The following DENND2A variants were observed in gnomAD, a reference collection of about 807,000 sequenced individuals.
The protein encoded by DENND2A is DENN domain containing 2A.
A neutral mutation model predicts 105.3 loss-of-function variants in DENND2A; 53 were observed. The ratio of observed to expected loss-of-function variants is 0.50; its 90% CI spans 0.40 to 0.63. The LOEUF (loss-of-function observed/expected upper bound fraction) is 0.63. DENND2A is among the 30% of genes least tolerant of loss of function. The probability of loss-of-function intolerance (pLI) is 0.00; values close to 1 mark genes in which losing one functional copy is unlikely to be tolerated. For missense variants in DENND2A, 1,138 were observed against 1,279.6 expected, an observed-to-expected ratio of 0.89 and a Z score of 1.69; for synonymous variants, 522 against 508.4, an observed-to-expected ratio of 1.03 and a Z score of -0.36.
intron 3 of DENND2A, among the ~76,000 whole-genome samples, chr7:140,589,637 A>G (rs74997615): frequency 0.03 from 4,590 of 152,144 alleles, 114 homozygotes; most frequent in African/African-American, 0.072. Context: ...CGAGAGCTCT[A>G]TTTATTTTTA....
At chr7:140,639,300 C>G (rs1381271014) in intron 1 of DENND2A, among the ~76,000 whole-genome samples, 2 of 151,576 alleles carry the variant, frequency 1.3e-5, no homozygotes, top group Non-Finnish European at 2.9e-5. Context: ...TGCAGTGGGT[C>G]GAGATTGCAC....
At chr7:140,526,577 C>A (rs1796063249) in intron 15 of DENND2A, among the ~76,000 whole-genome samples, 1 of 152,210 alleles carries the variant, frequency 6.6e-6, no homozygotes, top group Non-Finnish European at 1.5e-5. Context: ...CGGGGTTGAA[C>A]TGAGCCACCT....
intron 6 of DENND2A, among the ~76,000 whole-genome samples, chr7:140,570,545 G>A (rs1478946676): frequency 1.3e-5 from 2 of 152,202 alleles, no homozygotes; most frequent in Non-Finnish European, 2.9e-5. Context: ...CCTAGCTTGG[G>A]ACTACGGGGA....
At chr7:140,547,074 C>T (rs551430774) in intron 12 of DENND2A, 135 bp from the exon 13 acceptor site, 82 of 1,133,752 alleles carry the variant, frequency 7.2e-5, no homozygotes, top group Non-Finnish European at 9.8e-5. Context: ...GAGGCCAAAA[C>T]AGGCCCTTTG....
chr7:140,625,044 C>CA (rs1461747273), intron 1 of DENND2A, among the ~76,000 whole-genome samples: 1 of 149,094 alleles, frequency 6.7e-6, no homozygotes, highest in Non-Finnish European at 1.5e-5. Flanking sequence ...TAAAAAACAA[C>CA]AAAAAACAAA....
At chr7:140,628,916 G>A (rs1800633843) in intron 1 of DENND2A, among the ~76,000 whole-genome samples, 1 of 152,146 alleles carries the variant, frequency 6.6e-6, no homozygotes, top group South Asian at 2.1e-4. Context: ...CAGCAAGCTG[G>A]AGACAGTTCT....
In DENND2A at chr7:140,601,574, T is replaced by C. The variant is rs773628121; in HGVS notation, c.824A>G (p.His275Arg). 1 of 1,614,192 alleles carries C rather than the reference T, an allele frequency of 6.2e-7. No homozygotes were observed. The highest frequency in any genetic ancestry group is 1.1e-5 in the South Asian group (1 of 91,076). Residue 275 changes from histidine (H) to arginine (R), a missense_variant, in exon 3 of 20, where the codon CAT (histidine) becomes CGT (arginine). Coordinates refer to ENST00000496613, the MANE Select transcript of DENND2A (RefSeq NM_015689.5). The stretch of plus-strand genomic sequence containing the variant: ...CCCATCTTTGTCCCCTTCTCCGGCA[T>C]GTTTGAACGTTCTCCGGGGTTTTGG... ...PLPKPRRTFK[H>R]AGEGDKDGKP...
chr7:140,531,686 G>A (rs577679863), intron 14 of DENND2A, among the ~76,000 whole-genome samples: 1 of 151,794 alleles, frequency 6.6e-6, no homozygotes, highest in East Asian at 1.9e-4. Flanking sequence ...ATGGTGGCGT[G>A]TGCCTGTAAT....
chr7:140,588,621 CG>C (rs970114305), intron 3 of DENND2A, among the ~76,000 whole-genome samples: 18 of 152,044 alleles, frequency 1.2e-4, no homozygotes, highest in South Asian at 4.1e-4. Flanking sequence ...TTTTGTAGAA[CG>C]GGGTTTTGTC....
At chr7:140,540,134 G>C (rs925197372) in intron 14 of DENND2A, among the ~76,000 whole-genome samples, 1 of 152,168 alleles carries the variant, frequency 6.6e-6, no homozygotes, top group African/African-American at 2.4e-5. Context: ...ACCCAATGAC[G>C]GTCTTTCTCA....
At chr7:140,596,350 G>A (rs753066679) in intron 3 of DENND2A, among the ~76,000 whole-genome samples, 1 of 152,154 alleles carries the variant, frequency 6.6e-6, no homozygotes, top group Non-Finnish European at 1.5e-5. Flanking sequence ...CAAACAATGC[G>A]CTCCTTTGAA....
At chr7:140,526,195 G>GT (rs1298862292) in intron 15 of DENND2A, among the ~76,000 whole-genome samples, 3 of 152,294 alleles carry the variant, frequency 2.0e-5, no homozygotes, top group Non-Finnish European at 4.4e-5. Flanking sequence ...CCACTTAACC[G>GT]TATCATTTCC....
chr7:140,592,648 G>A (rs967820242), intron 3 of DENND2A, among the ~76,000 whole-genome samples: 4 of 151,028 alleles, frequency 2.6e-5, no homozygotes, highest in African/African-American at 7.3e-5. Context: ...CGCCCAGGCC[G>A]GAAGGCAGTG....
intron 1 of DENND2A, among the ~76,000 whole-genome samples, chr7:140,629,680 G>T (rs571611784): frequency 2.6e-5 from 4 of 152,118 alleles, no homozygotes; most frequent in Non-Finnish European, 5.9e-5. Flanking sequence ...TGAGCTAACG[G>T]TCTTTATAAA....
At chr7:140,567,513 G>A (rs1010244906) in intron 8 of DENND2A, among the ~76,000 whole-genome samples, 8 of 152,098 alleles carry the variant, frequency 5.3e-5, no homozygotes, top group Middle Eastern at 3.2e-3. Flanking sequence ...CCAAAGTTCT[G>A]GGAGAACCAA....
At chr7:140,534,234 G>A (rs1347279292) in intron 14 of DENND2A, among the ~76,000 whole-genome samples, 1 of 151,968 alleles carries the variant, frequency 6.6e-6, no homozygotes, top group East Asian at 1.9e-4. Context: ...ACAGGCACGT[G>A]CCACCACGCC....
rs1280248278 is a variant in DENND2A, at chr7:140,602,002, T to C, written c.396A>G (p.Glu132=). 4 of 1,614,196 alleles carry C rather than the reference T, an allele frequency of 2.5e-6. No individual in the cohort carries two copies. The highest frequency in any genetic ancestry group is 3.4e-6 in the Non-Finnish European group (4 of 1,180,030). Reference sequence around the variant, plus strand: ...GGCCCCAGCTAGGATCCACTTCCCGTTCTGGCTGGCTTAGGTCTTGCCCCG... The same window carrying C: ...GGCCCCAGCTAGGATCCACTTCCCGCTCTGGCTGGCTTAGGTCTTGCCCCG... ...PEPGQDLSQP[E]REVDPSWGRG... Residue 132 remains glutamate, a synonymous_variant, in exon 3 of 20, where the codon GAA becomes GAG. Coordinates refer to ENST00000496613, the MANE Select transcript of DENND2A (RefSeq NM_015689.5).
chr7:140,544,912 A>G, intron 13 of DENND2A, 146 bp from the exon 14 acceptor site: 1 of 1,340,294 alleles, frequency 7.5e-7, no homozygotes, highest in South Asian at 1.5e-5. Context: ...GCAAAACAAA[A>G]GGATTGGGGG....
At chr7:140,570,440 G>T (rs1043764515) in intron 6 of DENND2A, among the ~76,000 whole-genome samples, 3 of 152,174 alleles carry the variant, frequency 2.0e-5, no homozygotes, top group Non-Finnish European at 2.9e-5. Flanking sequence ...GAAAAAAAAA[G>T]TTCCCAGGCA....
Sources: gnomAD v4.1 joint callset for allele counts (sites outside exome capture counted in the v4.1 genomes callset) on GRCh38, gnomAD v4.1.1 for gene constraint, MANE v1.5 for transcripts, NCBI Gene and HGNC (gene_info 2026-07-23, HGNC 2026-07-21) for gene names.